Variants in GNAT3 observed in about 807,000 individuals in gnomAD.
The protein encoded by GNAT3 is G protein subunit alpha transducin 3, also known as guanine nucleotide-binding protein G(t) subunit alpha-3.
Under a neutral mutation model 37.7 loss-of-function variants are expected in GNAT3, and 31 were observed. That is an observed-to-expected ratio of 0.82 (90% confidence interval 0.62 to 1.11). The LOEUF is 1.11. Ranked by LOEUF, GNAT3 falls within the 50% of genes most tolerant of loss-of-function variation. The pLI, the probability that GNAT3 is intolerant of heterozygous loss-of-function variation, is 0.00. For missense variants in GNAT3, 437 were observed against 412.5 expected, an observed-to-expected ratio of 1.06 and a Z score of -0.51; for synonymous variants, 138 against 139.8, an observed-to-expected ratio of 0.99 and a Z score of 0.09.
intron 5 of GNAT3, among the ~76,000 whole-genome samples, chr7:80,467,710 C>G (rs1415915667): frequency 6.6e-6 from 1 of 151,920 alleles, no homozygotes; most frequent in Non-Finnish European, 1.5e-5. Context: ...AAACAAAAAG[C>G]TTTATTGTGA....
At chr7:80,508,978 G>A (rs1791003659) in intron 1 of GNAT3, among the ~76,000 whole-genome samples, 1 of 152,032 alleles carries the variant, frequency 6.6e-6, no homozygotes, top group South Asian at 2.1e-4. Context: ...CACTACTAAG[G>A]TTAAACTGGT....
intron 1 of GNAT3, among the ~76,000 whole-genome samples, chr7:80,503,550 G>A (rs1252337703): frequency 6.6e-6 from 1 of 152,090 alleles, no homozygotes; most frequent in Non-Finnish European, 1.5e-5. Flanking sequence ...AAAAATATGA[G>A]ATTTATGCCA....
chr7:80,502,509 AATAC>A (rs1484919578), intron 1 of GNAT3, among the ~76,000 whole-genome samples: 1 of 152,066 alleles, frequency 6.6e-6, no homozygotes, highest in African/African-American at 2.4e-5. Flanking sequence ...TTTTAGTATA[AATAC>A]ATATTGCAAC....
chr7:80,474,383 A>G lies in GNAT3; in HGVS notation c.462-4T>C. The G allele has an allele frequency of 2.0e-6, 3 of 1,503,226 alleles. No individual in the cohort carries two copies. Among genetic ancestry groups the G allele is most frequent in the South Asian group, 2.4e-5 (2 of 81,900 alleles). The allele number at this position is 1,503,226 out of a possible 1,614,324, so 93.1% of individuals were successfully genotyped here. ...TCTATCTAAATCATTAAGGTAGCTA[A>G]TAAAGACAAAACAAAATTATATATG... is the stretch of plus-strand genomic sequence containing the variant. On this transcript the variant is annotated splice_polypyrimidine_tract_variant and splice_region_variant and intron_variant, in intron 4 of 7. Coordinates refer to ENST00000398291, the MANE Select transcript of GNAT3 (RefSeq NM_001102386.3).
At chr7:80,494,327 T>A (rs1276701516) in intron 2 of GNAT3, among the ~76,000 whole-genome samples, 1 of 152,202 alleles carries the variant, frequency 6.6e-6, no homozygotes, top group Non-Finnish European at 1.5e-5. Context: ...GATTATAAAG[T>A]CCTTGATATC....
At chr7:80,474,135 A>G in intron 5 of GNAT3, 116 bp downstream of exon 5, 2 of 937,702 alleles carry the variant, frequency 2.1e-6, no homozygotes, top group East Asian at 2.7e-5. Flanking sequence ...AACTAGAGCT[A>G]GTGAGTACAT....
chr7:80,498,343 A>G (rs1363722326), intron 1 of GNAT3, among the ~76,000 whole-genome samples: 3 of 152,146 alleles, frequency 2.0e-5, no homozygotes, highest in Non-Finnish European at 4.4e-5. Context: ...TAAAAATGGC[A>G]TGTACTTTTA....
At chr7:80,478,702 A>G (rs763830170) in intron 4 of GNAT3, 139 bp downstream of exon 4, 3 of 803,376 alleles carry the variant, frequency 3.7e-6, no homozygotes, top group African/African-American at 1.8e-5. Flanking sequence ...TTTCTCTTTA[A>G]TTGCTTTTTA....
chr7:80,499,093 G>A (rs1391937105), intron 1 of GNAT3, among the ~76,000 whole-genome samples: 2 of 151,900 alleles, frequency 1.3e-5, no homozygotes, highest in Non-Finnish European at 1.5e-5. Flanking sequence ...TTTTTTGTAG[G>A]TGGTCTTAAA....
intron 4 of GNAT3, among the ~76,000 whole-genome samples, chr7:80,478,111 A>T (rs145050177): frequency 6.6e-6 from 1 of 152,324 alleles, no homozygotes; most frequent in East Asian, 1.9e-4. Flanking sequence ...TGGCTTTGCC[A>T]TGTAACCCAG....
At chr7:80,490,373 G>A (rs1349988849) in intron 2 of GNAT3, among the ~76,000 whole-genome samples, 2 of 152,100 alleles carry the variant, frequency 1.3e-5, no homozygotes, top group Non-Finnish European at 1.5e-5. Flanking sequence ...CTGTTGAAGA[G>A]GACTGAGTTA....
At position 80,462,272 on chromosome 7, in the gene GNAT3, C is replaced by T. The variant is rs1228434700; in HGVS notation, c.761G>A (p.Cys254Tyr). Residue 254 changes from cysteine to tyrosine, a missense_variant, in exon 7 of 8, where the codon TGT becomes TAT. Transcript: ENST00000398291. ...GGTTGTTGAAAAATACTTGTGATTA[C>T]AGATACTGTTGAACAGGTGAAGGCT... ...HESLHLFNSICNHKYFSTTSI... is the reference protein window; with the variant it reads ...HESLHLFNSIYNHKYFSTTSI... The T allele has an allele frequency of 1.9e-6, 3 of 1,612,666 alleles. No individual in the cohort carries two copies. Among genetic ancestry groups the T allele is most frequent in the Admixed American group, 1.7e-5 (1 of 59,958 alleles).
At chr7:80,462,683 G>A (rs1172689711) in intron 5 of GNAT3, 52 bp from the exon 6 acceptor site, 2 of 1,460,124 alleles carry the variant, frequency 1.4e-6, no homozygotes, top group Non-Finnish European at 1.9e-6. Context: ...CCTCCAAAAT[G>A]TGCATTGAGG....
chr7:80,480,142 TAA>T (rs1360272385), intron 3 of GNAT3, among the ~76,000 whole-genome samples: 2 of 152,202 alleles, frequency 1.3e-5, no homozygotes, highest in African/African-American at 4.8e-5. Context: ...TTGACTGTGG[TAA>T]TAGCCCAGGC....
chr7:80,478,799 A>T, intron 4 of GNAT3, 42 bp downstream of exon 4: 1 of 1,577,670 alleles, frequency 6.3e-7, no homozygotes, highest in Non-Finnish European at 8.7e-7. Flanking sequence ...TCTTAATTTT[A>T]AATGTTTTAC....
chr7:80,472,322 G>A (rs1790234376), intron 5 of GNAT3, among the ~76,000 whole-genome samples: 1 of 152,074 alleles, frequency 6.6e-6, no homozygotes, highest in African/African-American at 2.4e-5. Context: ...CAATCAGCCA[G>A]CCCTCCATCG....
At chr7:80,509,687 G>A (rs1462351595) in intron 1 of GNAT3, among the ~76,000 whole-genome samples, 3 of 151,770 alleles carry the variant, frequency 2.0e-5, no homozygotes, top group African/African-American at 7.3e-5. Flanking sequence ...ACTAATTCTG[G>A]AACCCTGTAT....
chr7:80,507,901 C>T (rs770587700), intron 1 of GNAT3, among the ~76,000 whole-genome samples: 12 of 151,804 alleles, frequency 7.9e-5, no homozygotes, highest in South Asian at 2.1e-4. Context: ...ATATTACCTT[C>T]GAAGTAGTTT....
At chr7:80,487,318 A>C (rs532210174) in intron 3 of GNAT3, among the ~76,000 whole-genome samples, 21 of 152,300 alleles carry the variant, frequency 1.4e-4, no homozygotes, top group Non-Finnish European at 2.9e-4. Context: ...CCCCTTTTAC[A>C]CATGAGAGGG....
Sources: allele counts gnomAD v4.1 joint callset (sites outside exome capture counted in the v4.1 genomes callset), GRCh38; gene constraint gnomAD v4.1.1; transcripts MANE v1.5; gene names NCBI Gene and HGNC (gene_info 2026-07-23, HGNC 2026-07-21).